Variants in INTS3 observed in about 807,000 individuals in gnomAD.
INTS3 encodes SOSS complex subunit A.
In INTS3, 34 loss-of-function variants were observed where a neutral mutation model predicts 146.3. That is an observed-to-expected ratio of 0.23 (90% CI 0.18 to 0.31). INTS3 has a LOEUF of 0.31. INTS3 is among the 10% of genes least tolerant of loss of function. The pLI is 1.00. For synonymous variants in INTS3, 475 were observed against 494.9 expected (o/e 0.96, Z 0.53); for missense variants, 757 against 1,304.2 (o/e 0.58, Z 6.46).
At chr1:153,761,166 C>A in intron 13 of INTS3, 1 of 959,590 alleles carries the variant, frequency 1.0e-6, no homozygotes, top group Non-Finnish European at 1.5e-6. Context: ...GAGTATGGTC[C>A]AGTTAGACTG....
At chr1:153,754,380 CAT>C (rs1181481266) in intron 8 of INTS3, among the ~76,000 whole-genome samples, 6 of 152,128 alleles carry the variant, frequency 3.9e-5, no homozygotes, top group African/African-American at 7.2e-5. Context: ...CAGTGGGAAT[CAT>C]GTGGGTAGGA....
At chr1:153,748,563 T>C in intron 5 of INTS3, 126 bp from the exon 6 acceptor site, 1 of 793,488 alleles carries the variant, frequency 1.3e-6, no homozygotes, top group Non-Finnish European at 2.3e-6. Flanking sequence ...GCAGTTTATC[T>C]CAGCAGTGAA....
chr1:153,764,846 T>G, intron 19 of INTS3, 98 bp from the exon 20 acceptor site: 2 of 1,551,872 alleles, frequency 1.3e-6, no homozygotes, highest in South Asian at 1.1e-5. Flanking sequence ...GGAGGACATA[T>G]GCTGTGGGCA....
intron 13 of INTS3, 130 bp downstream of exon 13, chr1:153,761,048 C>T: frequency 6.7e-7 from 1 of 1,482,862 alleles, no homozygotes; most frequent in East Asian, 2.4e-5. Context: ...CTACCTCAGA[C>T]TGCTGGGCAT....
chr1:153,762,236 G>A (rs938234893), intron 14 of INTS3, among the ~76,000 whole-genome samples: 16 of 152,320 alleles, frequency 1.1e-4, no homozygotes, highest in African/African-American at 3.9e-4. Flanking sequence ...ATCACTTGAG[G>A]TCAGGAGTTC....
chr1:153,752,041 C>A, intron 7 of INTS3: 1 of 506,106 alleles, frequency 2.0e-6, no homozygotes, highest in South Asian at 2.4e-5. Flanking sequence ...AATGTGAAAG[C>A]CAGCAGGGCT....
At chr1:153,742,522 G>A (rs556129512) in intron 3 of INTS3, among the ~76,000 whole-genome samples, 1 of 151,664 alleles carries the variant, frequency 6.6e-6, no homozygotes, top group Admixed American at 6.6e-5. Flanking sequence ...GCGCATCATT[G>A]GCTGTGTGTG....
chr1:153,773,693 C>T lies in INTS3; in HGVS notation c.*423C>T. The T allele has an allele frequency of 4.5e-6, 1 of 222,108 alleles. No individual in the cohort carries two copies. Among genetic ancestry groups the T allele is most frequent in the Non-Finnish European group, 9.9e-6 (1 of 100,876 alleles). 13.8% of individuals were successfully genotyped at this position (222,108 alleles called of 1,614,324 possible). A position where few individuals can be genotyped will look rare whatever the true frequency, so the allele number is the denominator to read the frequency against. ...AGCAGAGACTCAGTGTGTGGGTGTC[C>T]CTTCCTGCTTCCCCTTCAGGTCTTG... On this transcript the variant is annotated 3_prime_UTR_variant, in exon 30 of 30. Coordinates refer to ENST00000318967, the MANE Select transcript of INTS3 (RefSeq NM_023015.5).
intron 22 of INTS3, among the ~76,000 whole-genome samples, chr1:153,769,255 T>C (rs1463355838): frequency 6.6e-6 from 1 of 152,248 alleles, no homozygotes; most frequent in African/African-American, 2.4e-5. Flanking sequence ...AGCTCTCAAC[T>C]GGCCTTTCCT....
At chr1:153,750,032 T>C (rs560757071) in intron 6 of INTS3, among the ~76,000 whole-genome samples, 23 of 152,194 alleles carry the variant, frequency 1.5e-4, no homozygotes, top group Non-Finnish European at 3.1e-4. Context: ...CAAATGTTTC[T>C]AGGGCTGTGG....
At chr1:153,728,974 G>A (rs972538490) in intron 1 of INTS3, among the ~76,000 whole-genome samples, 190 bp downstream of exon 1, 1 of 152,114 alleles carries the variant, frequency 6.6e-6, no homozygotes, top group Non-Finnish European at 1.5e-5. Flanking sequence ...TGGACAGGTT[G>A]TCATAGTAAC....
intron 10 of INTS3, among the ~76,000 whole-genome samples, chr1:153,759,066 G>A (rs775413085): frequency 7.2e-5 from 11 of 151,912 alleles, no homozygotes; most frequent in African/African-American, 1.2e-4. Context: ...GGAGTAAGCC[G>A]TGATCATGCC....
chr1:153,729,865 CAAAA>C (rs59539957), intron 1 of INTS3, among the ~76,000 whole-genome samples: 2 of 127,806 alleles, frequency 1.6e-5, no homozygotes, highest in Non-Finnish European at 1.6e-5. Flanking sequence ...GACCCCGTCT[CAAAA>C]AAAAAAAAAA....
intron 25 of INTS3, among the ~76,000 whole-genome samples, chr1:153,771,030 C>CT: frequency 6.6e-6 from 1 of 152,166 alleles, no homozygotes; most frequent in Admixed American, 6.5e-5. Flanking sequence ...CTCCTGCTCC[C>CT]CGCCGCGCCC....
At chr1:153,759,416 A>G (rs2101814975) in intron 10 of INTS3, 110 bp from the exon 11 acceptor site, 1 of 764,986 alleles carries the variant, frequency 1.3e-6, no homozygotes, top group Non-Finnish European at 2.3e-6. Context: ...CTAGGAACTG[A>G]ATTTCATAGA....
intron 9 of INTS3, among the ~76,000 whole-genome samples, chr1:153,755,547 A>G (rs1170055581): frequency 6.6e-6 from 1 of 152,122 alleles, no homozygotes; most frequent in African/African-American, 2.4e-5. Flanking sequence ...GGCGTGAGCC[A>G]CTGCACCCAG....
At chr1:153,747,495 C>T (rs1297278737) in intron 5 of INTS3, 132 bp downstream of exon 5, 1 of 710,890 alleles carries the variant, frequency 1.4e-6, no homozygotes, top group African/African-American at 1.8e-5. Flanking sequence ...CTGATACAGA[C>T]ATCTTCTGGC....
intron 15 of INTS3, 58 bp downstream of exon 15, chr1:153,762,905 C>T: frequency 6.3e-7 from 1 of 1,598,434 alleles, no homozygotes; most frequent in Non-Finnish European, 8.5e-7. Flanking sequence ...GGACCAGTTC[C>T]CAGAAGCAGC....
chr1:153,747,580 C>T, intron 5 of INTS3: 1 of 589,308 alleles, frequency 1.7e-6, no homozygotes, highest in Non-Finnish European at 3.0e-6. Context: ...GCCTCATTTT[C>T]TTTCCTGCTA....
Sources: allele counts gnomAD v4.1 joint callset (sites outside exome capture counted in the v4.1 genomes callset), GRCh38; gene constraint gnomAD v4.1.1; transcripts MANE v1.5; gene names NCBI Gene and HGNC (gene_info 2026-07-23, HGNC 2026-07-21).